The following GPR139 variants were observed in gnomAD, a reference collection of about 807,000 sequenced individuals.
The protein encoded by GPR139 is G protein-coupled receptor 139.
GPR139 carries 12 observed loss-of-function variants against 25.8 expected under a neutral mutation model. The observed-to-expected ratio is 0.47, with a 90% confidence interval of 0.30 to 0.75. The LOEUF (loss-of-function observed/expected upper bound fraction) is 0.75. Ranked by LOEUF, GPR139 falls within the 30% of genes least tolerant of loss-of-function variation. GPR139 has a pLI of 0.07. For missense variants in GPR139, 380 were observed against 450.2 expected, an observed-to-expected ratio of 0.84 and a Z score of 1.41; for synonymous variants, 184 against 179.9, an observed-to-expected ratio of 1.02 and a Z score of -0.18.
chr16:20,070,881 G>A, intron 1 of GPR139: 1 of 898,554 alleles, frequency 1.1e-6, no homozygotes, highest in Non-Finnish European at 1.3e-6. Context: ...GTGATGGGTG[G>A]GGACCACTGT....
At chr16:20,057,534 G>GTCCA (rs1272350708) in intron 1 of GPR139, among the ~76,000 whole-genome samples, 1 of 147,720 alleles carries the variant, frequency 6.8e-6, no homozygotes, top group Non-Finnish European at 1.5e-5. Context: ...CCATCCATCC[G>GTCCA]TCCATCCATC....
chr16:20,041,351 T>C (rs1849086488), intron 1 of GPR139, among the ~76,000 whole-genome samples: 2 of 151,034 alleles, frequency 1.3e-5, no homozygotes, highest in African/African-American at 4.9e-5. Context: ...TTGTGGACAA[T>C]TGCAGCGGTG....
rs1006491660 is a variant in GPR139 at position 20,030,499 on chromosome 16, G to A, written c.*1236C>T. Among the ~76,000 whole-genome samples the A allele has an allele frequency of 6.6e-6, 1 of 152,198 alleles. No homozygotes were observed. Among genetic ancestry groups the A allele is most frequent in the Admixed American group, 6.5e-5 (1 of 15,286 alleles). On this transcript the variant is annotated 3_prime_UTR_variant, in exon 2 of 2. Coordinates refer to ENST00000570682, the MANE Select transcript of GPR139 (RefSeq NM_001002911.4). ...CCCCTATTCATTACATCCTAGAAAT[G>A]TTCTTGCCTTGGACAGGCAAGGGTA... is the stretch of plus-strand genomic sequence containing the variant.
chr16:20,065,551 A>G (rs539413783), intron 1 of GPR139, among the ~76,000 whole-genome samples: 3 of 152,304 alleles, frequency 2.0e-5, no homozygotes, highest in East Asian at 1.9e-4. Context: ...GGTATAATAC[A>G]TGCCTCAAAG....
chr16:20,072,696 C>T (rs538644690), intron 1 of GPR139, among the ~76,000 whole-genome samples: 1 of 152,310 alleles, frequency 6.6e-6, no homozygotes, highest in South Asian at 2.1e-4. Context: ...AAGTCTCAGC[C>T]ACACTTTGGA....
chr16:20,031,499 A>T lies in GPR139; in HGVS notation c.*236T>A. ...GCTCCAATGGCATCTTCAAACTGGT[A>T]GGAGCTTTTGCTGTCATTACGACTC... On this transcript the variant is annotated 3_prime_UTR_variant, in exon 2 of 2. Transcript: ENST00000570682. The T allele has an allele frequency of 1.9e-6, 1 of 533,510 alleles. No homozygotes were observed. The highest frequency in any genetic ancestry group is 3.3e-6 in the Non-Finnish European group (1 of 298,532). 33.0% of individuals were successfully genotyped at this position (533,510 alleles called of 1,614,324 possible). A position where few individuals can be genotyped will look rare whatever the true frequency, so the allele number is the denominator to read the frequency against.
intron 1 of GPR139, among the ~76,000 whole-genome samples, chr16:20,049,999 A>G (rs16969480): frequency 0.081 from 12,399 of 152,224 alleles, 591 homozygotes; most frequent in Non-Finnish European, 0.11. Flanking sequence ...TGACTCCCTA[A>G]TGTGTTCAGG....
intron 1 of GPR139, among the ~76,000 whole-genome samples, chr16:20,033,741 T>G (rs1417530215): frequency 6.6e-6 from 1 of 152,182 alleles, no homozygotes; most frequent in Non-Finnish European, 1.5e-5. Context: ...ATTTTCCTTC[T>G]ACTCTTATTC....
In GPR139 at chr16:20,031,738, C is replaced by T. The variant is rs371146368; in HGVS notation, c.1059G>A (p.Pro353=). 3.2e-5 allele frequency: 52 copies of T among 1,612,478 alleles called. No homozygotes were observed. The highest frequency in any genetic ancestry group is 4.5e-5 in the East Asian group (2 of 44,876). ...AGTAGTTGCCACACCTATGGAATCA[C>T]GGGGATACTTTTATAGGTTTTCCAT... The part of the protein sequence containing the change: ...DKNGKPIKVS[P] The change falls in exon 2 of 2, where the codon CCG becomes CCA. Residue 353 remains proline (P), a synonymous_variant. Transcript: ENST00000570682.
intron 1 of GPR139, among the ~76,000 whole-genome samples, chr16:20,041,825 G>T (rs557460462): frequency 1.4e-3 from 217 of 152,290 alleles, no homozygotes; most frequent in African/African-American, 5.1e-3. Flanking sequence ...CCTGCAGTTG[G>T]TTAGTAGAGG....
Position 20,032,355 on chromosome 16 carries a change from C to T in GPR139, c.442G>A (p.Val148Ile). 1 of 1,614,198 alleles carries T rather than the reference C, an allele frequency of 6.2e-7. No individual in the cohort carries two copies. The highest frequency in any genetic ancestry group is 8.5e-7 in the Non-Finnish European group (1 of 1,180,024). ...CAGGTGATGTAAACACTTACAATGA[C>T]TTTCCGGGTGCGGGCTGGGTATGAG... is the stretch of plus-strand genomic sequence containing the variant. ...TVSYPARTRKVIVSVYITCFL... is the reference protein window; with the variant it reads ...TVSYPARTRKIIVSVYITCFL... Residue 148 changes from valine to isoleucine, a missense_variant, in exon 2 of 2, where the codon GTC (valine) becomes ATC (isoleucine). Physicochemically the swap from Val to Ile is conservative, Grantham distance 29. Coordinates refer to ENST00000570682, the MANE Select transcript of GPR139 (RefSeq NM_001002911.4).
rs1251509438 is a variant in GPR139, at chr16:20,073,410, G to T, written c.127+80C>A. ...CCGAGGGGGCGCCAGGGAACGCACG[G>T]GGGAGGACGGGGGATTCTGGGTAGG... is the stretch of plus-strand genomic sequence containing the variant. On this transcript the variant is annotated intron_variant, in intron 1 of 1. Coordinates refer to ENST00000570682, the MANE Select transcript of GPR139 (RefSeq NM_001002911.4). The surrounding 1 kb of genome is among the most constrained non-coding windows in gnomAD (Gnocchi z 4.7). The T allele has an allele frequency of 1.9e-6, 3 of 1,557,134 alleles. No individual in the cohort carries two copies. The African/African-American group carries it at 4.1e-5, about 21-fold the overall frequency.
At chr16:20,044,579 G>T (rs1196950847) in intron 1 of GPR139, among the ~76,000 whole-genome samples, 1 of 152,130 alleles carries the variant, frequency 6.6e-6, no homozygotes, top group Non-Finnish European at 1.5e-5. Flanking sequence ...AGGTAAAGAG[G>T]CGTGAAAGAA....
chr16:20,047,592 G>A lies in GPR139; in HGVS notation c.128-14923C>T, dbSNP rs570773050. 3.9e-5 allele frequency among the ~76,000 whole-genome samples: 6 copies of A among 152,322 alleles called. No homozygotes were observed. In the South Asian group the frequency reaches 1.2e-3, roughly 32 times the overall value. ...GTGACATCGGGGGGAAAATGAACTA[G>A]TCTATATCAAGGTTCCAGAACATGT... On this transcript the variant is annotated intron_variant, in intron 1 of 1. Coordinates refer to ENST00000570682, the MANE Select transcript of GPR139 (RefSeq NM_001002911.4).
chr16:20,051,433 C>T (rs115670010), intron 1 of GPR139, among the ~76,000 whole-genome samples: 2,491 of 152,282 alleles, frequency 0.016, 68 homozygotes, highest in African/African-American at 0.057. Flanking sequence ...CATTCTGTTC[C>T]ACCATGGGAC....
At chr16:20,037,455 A>G (rs1380381152) in intron 1 of GPR139, among the ~76,000 whole-genome samples, 1 of 122,832 alleles carries the variant, frequency 8.1e-6, no homozygotes, top group Admixed American at 8.4e-5. Context: ...CTGTCTCAGA[A>G]AAAAAAAAAA....
rs1222266433 is a variant in GPR139, at chr16:20,029,370, T to C, written c.*2365A>G. On this transcript the variant is annotated 3_prime_UTR_variant, in exon 2 of 2. Transcript: ENST00000570682. ...AGTCACATACATATTTTCCATCTTA[T>C]ATACATTCTCAAAAAGGAATTGCTT... is the stretch of plus-strand genomic sequence containing the variant. Among the ~76,000 whole-genome samples the C allele has an allele frequency of 6.6e-6, 1 of 152,118 alleles. No homozygotes were observed. The highest frequency in any genetic ancestry group is 1.5e-5 in the Non-Finnish European group (1 of 68,028).
At chr16:20,038,941 A>T (rs184867552) in intron 1 of GPR139, among the ~76,000 whole-genome samples, 2 of 152,154 alleles carry the variant, frequency 1.3e-5, no homozygotes, top group Admixed American at 1.3e-4. Context: ...ACTGCCTGAA[A>T]TTCCATTTCT....
At chr16:20,043,588 A>G (rs1038655507) in intron 1 of GPR139, among the ~76,000 whole-genome samples, 1 of 152,234 alleles carries the variant, frequency 6.6e-6, no homozygotes, top group Non-Finnish European at 1.5e-5. Flanking sequence ...GTTGATTAAA[A>G]TGGCAGTGCA....
Sources: allele counts gnomAD v4.1 joint callset (sites outside exome capture counted in the v4.1 genomes callset), GRCh38; gene constraint gnomAD v4.1.1; non-coding constraint Gnocchi (gnomAD v3.1); transcripts MANE v1.5; gene names NCBI Gene and HGNC (gene_info 2026-07-23, HGNC 2026-07-21).